Variants in FTO observed in about 807,000 individuals in gnomAD.
The protein encoded by FTO is FTO alpha-ketoglutarate dependent dioxygenase.
A neutral mutation model predicts 63.9 loss-of-function variants in FTO; 47 were observed. The ratio of observed to expected loss-of-function variants is 0.74; its 90% CI spans 0.58 to 0.94. The LOEUF is 0.94. FTO is among the 40% of genes least tolerant of loss of function. The pLI is 0.00. For synonymous variants in FTO, 207 were observed against 224.4 expected, an observed-to-expected ratio of 0.92 and a Z score of 0.69; for missense variants, 562 against 618.1, an observed-to-expected ratio of 0.91 and a Z score of 0.96.
At position 53,830,957 on chromosome 16, in the gene FTO, C is replaced by T. The variant is rs191617927; in HGVS notation, c.751+4466C>T. On this transcript the variant is annotated intron_variant, in intron 3 of 8. Coordinates refer to ENST00000471389, the MANE Select transcript of FTO (RefSeq NM_001080432.3). Reference sequence around the variant, plus strand: ...AGGAAGGCTCACAAAAGGAAGAAACCGATCCATGTTTCCTGTTGAGCATGT... The same window carrying T: ...AGGAAGGCTCACAAAAGGAAGAAACTGATCCATGTTTCCTGTTGAGCATGT... 1.3e-3 allele frequency among the ~76,000 whole-genome samples: 196 copies of T among 152,138 alleles called. 1 individual carries two copies. Among genetic ancestry groups the T allele is most frequent in the Non-Finnish European group, 2.0e-3 (135 of 67,958 alleles).
Position 53,826,204 on chromosome 16 carries a change from A to C in FTO, c.464A>C (p.Glu155Ala). 1 of 1,614,160 alleles carries C rather than the reference A, an allele frequency of 6.2e-7. No individual in the cohort carries two copies. The highest frequency in any genetic ancestry group is 8.5e-7 in the Non-Finnish European group (1 of 1,180,020). The change falls in exon 3 of 9, where the codon GAA (glutamate) becomes GCA (alanine). Residue 155 changes from glutamate to alanine, a missense_variant. Glu to Ala is a moderately radical substitution (Grantham distance 107). Transcript: ENST00000471389. ...CAGATAGAAACCATCCAGGCTTTGGAAGAACTTGCTGCCAAAGAGAAGGCT... is the reference window on the plus strand; with the variant it reads ...CAGATAGAAACCATCCAGGCTTTGGCAGAACTTGCTGCCAAAGAGAAGGCT... ...YLQIETIQAL[E>A]ELAAKEKANE...
intron 4 of FTO, among the ~76,000 whole-genome samples, chr16:53,870,638 C>T (rs1253440660): frequency 6.6e-6 from 1 of 152,178 alleles, no homozygotes; most frequent in Non-Finnish European, 1.5e-5. Flanking sequence ...TGTTGTACCA[C>T]TTTTCCTTCC....
At chr16:53,816,562 C>T (rs1021113392) in intron 2 of FTO, among the ~76,000 whole-genome samples, 3 of 150,712 alleles carry the variant, frequency 2.0e-5, no homozygotes, top group African/African-American at 7.3e-5. Flanking sequence ...ACCAAGCTCA[C>T]TCCTGCCCCA....
chr16:53,850,766 T>C (rs907787020), intron 4 of FTO, among the ~76,000 whole-genome samples: 1 of 152,110 alleles, frequency 6.6e-6, no homozygotes, highest in Non-Finnish European at 1.5e-5. Flanking sequence ...AAAAAAAAAT[T>C]AATGGAGATT....
intron 4 of FTO, among the ~76,000 whole-genome samples, chr16:53,846,972 C>G (rs2151825054): frequency 6.6e-6 from 1 of 152,072 alleles, no homozygotes; most frequent in Middle Eastern, 3.4e-3. Context: ...ATATAAAAAT[C>G]AGGTTAATGC....
At chr16:54,041,191 A>G (rs1483715359) in intron 8 of FTO, among the ~76,000 whole-genome samples, 1 of 152,194 alleles carries the variant, frequency 6.6e-6, no homozygotes, top group African/African-American at 2.4e-5. Flanking sequence ...TAACTGAGTC[A>G]CAGTTCCTCA....
At chr16:53,724,217 C>A (rs1170338486) in intron 1 of FTO, among the ~76,000 whole-genome samples, 2 of 152,210 alleles carry the variant, frequency 1.3e-5, no homozygotes, top group Admixed American at 6.5e-5. Flanking sequence ...CATACTAATT[C>A]ATTCCCCAGA....
intron 7 of FTO, among the ~76,000 whole-genome samples, chr16:53,898,014 A>G (rs1259309903): frequency 6.6e-6 from 1 of 152,188 alleles, no homozygotes; most frequent in Non-Finnish European, 1.5e-5. Flanking sequence ...CGTTTATAAA[A>G]TAGCCTCTCA....
chr16:53,759,757 G>T (rs1275927723), intron 1 of FTO, among the ~76,000 whole-genome samples: 1 of 138,090 alleles, frequency 7.2e-6, no homozygotes, highest in African/African-American at 2.6e-5. Context: ...TGACCTAAAA[G>T]ACATGAGTTT....
chr16:53,947,827 G>C (rs1315348975), intron 8 of FTO, among the ~76,000 whole-genome samples: 2 of 152,084 alleles, frequency 1.3e-5, no homozygotes, highest in African/African-American at 4.8e-5. Context: ...TTCTGCTGTT[G>C]GTACTTCATT....
rs11076021 is a variant in FTO, at chr16:54,116,932, T to C, written c.*5017T>C. The C allele has an allele frequency of 0.4, 60,868 of 151,994 alleles. 12,525 individuals carry two copies. Among genetic ancestry groups the C allele is most frequent in the East Asian group, 0.55 (2,856 of 5,146 alleles). The allele number at this position is 151,994 out of a possible 1,614,324, so 9.4% of individuals were successfully genotyped here. On this transcript the variant is annotated 3_prime_UTR_variant, in exon 9 of 9. Transcript: ENST00000471389. ...ATAGTCCTGTGTCCCATCGGCCCCA[T>C]GCTCCCAGGACAGTCCTAATTCCCA...
chr16:53,885,812 G>T (rs1233505477), intron 6 of FTO, among the ~76,000 whole-genome samples: 1 of 152,066 alleles, frequency 6.6e-6, no homozygotes, highest in African/African-American at 2.4e-5. Flanking sequence ...TTAGTGGCGC[G>T]ATCATGGCTC....
chr16:53,771,960 G>A (rs1377359817), intron 1 of FTO, among the ~76,000 whole-genome samples: 1 of 152,118 alleles, frequency 6.6e-6, no homozygotes, highest in Non-Finnish European at 1.5e-5. Context: ...AGAGAGGAAT[G>A]GGGAGTGACT....
intron 1 of FTO, among the ~76,000 whole-genome samples, chr16:53,754,834 G>A (rs1010218789): frequency 1.3e-5 from 2 of 152,126 alleles, no homozygotes; most frequent in African/African-American, 4.8e-5. Context: ...TCTTTTTTTA[G>A]ATTATTTCTG....
chr16:53,741,060 T>C (rs921938086), intron 1 of FTO, among the ~76,000 whole-genome samples: 1 of 152,206 alleles, frequency 6.6e-6, no homozygotes, highest in Admixed American at 6.5e-5. Context: ...AACAGTAACA[T>C]TTTGTCACAT....
At chr16:53,770,792 A>G (rs1206133068) in intron 1 of FTO, among the ~76,000 whole-genome samples, 2 of 152,060 alleles carry the variant, frequency 1.3e-5, no homozygotes. Context: ...TTCAGTTATC[A>G]TGTTTGAAGG....
intron 8 of FTO, among the ~76,000 whole-genome samples, chr16:54,036,230 G>GTCCTATA (rs1368822658): frequency 1.3e-5 from 2 of 152,114 alleles, no homozygotes; most frequent in Non-Finnish European, 2.9e-5. Context: ...TACCACATTA[G>GTCCTATA]TCCTAATCTA....
chr16:53,722,842 A>T (rs1030367826), intron 1 of FTO, among the ~76,000 whole-genome samples: 6 of 146,432 alleles, frequency 4.1e-5, no homozygotes, highest in South Asian at 4.4e-4. Context: ...AAAAAAAAAA[A>T]TGTTTTGTGT....
At chr16:54,032,756 A>T (rs1426134906) in intron 8 of FTO, among the ~76,000 whole-genome samples, 1 of 152,128 alleles carries the variant, frequency 6.6e-6, no homozygotes, top group Non-Finnish European at 1.5e-5. Flanking sequence ...ATGCTGAAGT[A>T]TGGTCCCCAT....
Sources: allele counts gnomAD v4.1 joint callset (sites outside exome capture counted in the v4.1 genomes callset), GRCh38; gene constraint gnomAD v4.1.1; transcripts MANE v1.5; gene names NCBI Gene and HGNC (gene_info 2026-07-23, HGNC 2026-07-21).